Variants in GNB1 observed in about 807,000 individuals in gnomAD.
GNB1 encodes the protein G protein subunit beta 1, also known as guanine nucleotide-binding protein G(I)/G(S)/G(T) subunit beta-1.
A neutral mutation model predicts 42.9 loss-of-function variants in GNB1; 2 were observed. The ratio of observed to expected loss-of-function variants is 0.05; its 90% confidence interval spans 0.02 to 0.15. The LOEUF is 0.15. Ranked by LOEUF, GNB1 falls within the 10% of genes least tolerant of loss-of-function variation. The pLI is 1.00. For missense variants in GNB1, 193 were observed against 462.2 expected, an observed-to-expected ratio of 0.42 and a Z score of 5.34; for synonymous variants, 183 against 174.7, an observed-to-expected ratio of 1.05 and a Z score of -0.38.
chr1:1,876,364 C>A (rs1366451725), intron 1 of GNB1, among the ~76,000 whole-genome samples: 3 of 152,070 alleles, frequency 2.0e-5, no homozygotes, highest in African/African-American at 7.3e-5. Flanking sequence ...CAGGTCACTG[C>A]AGCCTCGAAC....
intron 1 of GNB1, among the ~76,000 whole-genome samples, chr1:1,849,283 T>C (rs1647852211): frequency 6.6e-6 from 1 of 152,238 alleles, no homozygotes; most frequent in African/African-American, 2.4e-5. Flanking sequence ...TTGCCTGGTC[T>C]GATTTATATT....
intron 5 of GNB1, among the ~76,000 whole-genome samples, chr1:1,813,986 T>C (rs1557897310): frequency 6.6e-6 from 1 of 152,212 alleles, no homozygotes; most frequent in Non-Finnish European, 1.5e-5. Flanking sequence ...GAAACACACG[T>C]TATTATGAAC....
intron 3 of GNB1, among the ~76,000 whole-genome samples, chr1:1,822,872 C>T (rs1017371754): frequency 5.3e-5 from 8 of 152,172 alleles, no homozygotes; most frequent in African/African-American, 1.9e-4. Flanking sequence ...CAACTTATAG[C>T]TGTCAGAAAA....
At chr1:1,856,874 G>A (rs1178624598) in intron 1 of GNB1, among the ~76,000 whole-genome samples, 2 of 152,152 alleles carry the variant, frequency 1.3e-5, no homozygotes, top group African/African-American at 4.8e-5. Flanking sequence ...TAATTCAGAA[G>A]GCCCAAGAAA....
intron 1 of GNB1, chr1:1,839,817 GC>G (rs1301913887): frequency 6.6e-6 from 1 of 151,956 alleles, no homozygotes; most frequent in East Asian, 1.9e-4. Flanking sequence ...TCATTCCACT[GC>G]ATTCCAGCCT....
intron 1 of GNB1, among the ~76,000 whole-genome samples, chr1:1,863,268 C>T (rs908227592): frequency 6.6e-6 from 1 of 152,088 alleles, no homozygotes; most frequent in Non-Finnish European, 1.5e-5. Flanking sequence ...GCAGTGAGGG[C>T]CACAGAGAAA....
At chr1:1,796,358 G>A (rs574269466) in intron 7 of GNB1, among the ~76,000 whole-genome samples, 27 of 152,322 alleles carry the variant, frequency 1.8e-4, no homozygotes, top group African/African-American at 5.3e-4. Context: ...AAGAGGCCAC[G>A]AGTGGTGAAG....
intron 1 of GNB1, among the ~76,000 whole-genome samples, chr1:1,885,718 A>T (rs1245385373): frequency 1.3e-5 from 2 of 150,806 alleles, no homozygotes; most frequent in African/African-American, 4.9e-5. Context: ...CACCACACCC[A>T]GCTAATTTTT....
chr1:1,805,469 C>CA (rs1309153954), intron 6 of GNB1, among the ~76,000 whole-genome samples: 3 of 151,926 alleles, frequency 2.0e-5, no homozygotes, highest in Non-Finnish European at 4.4e-5. Context: ...CTCAAAAACA[C>CA]AAAAAAACCC....
At chr1:1,836,361 T>C (rs1488299618) in intron 2 of GNB1, among the ~76,000 whole-genome samples, 3 of 151,700 alleles carry the variant, frequency 2.0e-5, no homozygotes, top group Non-Finnish European at 4.4e-5. Context: ...CTCTTTTTTA[T>C]TGGGTTACCT....
At chr1:1,888,499 C>G (rs1051274553) in intron 1 of GNB1, among the ~76,000 whole-genome samples, 1 of 152,136 alleles carries the variant, frequency 6.6e-6, no homozygotes, top group Non-Finnish European at 1.5e-5. Flanking sequence ...GCCTCTGGAC[C>G]CTGCAGTTGC....
At chr1:1,793,643 T>C (rs1304537090) in intron 7 of GNB1, 1 of 185,364 alleles carries the variant, frequency 5.4e-6, no homozygotes, top group Non-Finnish European at 1.2e-5. Context: ...CCTCGTCTAT[T>C]TACTCATTCA....
At chr1:1,854,931 C>A (rs1648188153) in intron 1 of GNB1, among the ~76,000 whole-genome samples, 1 of 151,984 alleles carries the variant, frequency 6.6e-6, no homozygotes, top group Non-Finnish European at 1.5e-5. Context: ...GAGTCCAAGG[C>A]AGGTGGATCA....
chr1:1,856,460 GCT>G (rs1442153485), intron 1 of GNB1, among the ~76,000 whole-genome samples: 1 of 150,780 alleles, frequency 6.6e-6, no homozygotes, highest in Non-Finnish European at 1.5e-5. Context: ...ACAGAGTCTC[GCT>G]CTGTCGCCAG....
At chr1:1,842,236 C>T (rs571503539) in intron 1 of GNB1, among the ~76,000 whole-genome samples, 2 of 152,320 alleles carry the variant, frequency 1.3e-5, no homozygotes, top group African/African-American at 2.4e-5. Flanking sequence ...TGAGACCATC[C>T]TGGCTAACAC....
intron 1 of GNB1, among the ~76,000 whole-genome samples, chr1:1,875,337 G>A (rs1649484694): frequency 6.6e-6 from 1 of 151,928 alleles, no homozygotes; most frequent in South Asian, 2.1e-4. Context: ...GTCTACAGGT[G>A]CACGCCACCA....
intron 1 of GNB1, among the ~76,000 whole-genome samples, chr1:1,859,269 G>A (rs1309434882): frequency 2.0e-5 from 3 of 152,122 alleles, no homozygotes; most frequent in Non-Finnish European, 2.9e-5. Context: ...TGATCCACCC[G>A]CCTGAGCCTC....
intron 1 of GNB1, among the ~76,000 whole-genome samples, chr1:1,881,844 T>C (rs918670733): frequency 6.6e-6 from 1 of 152,162 alleles, no homozygotes; most frequent in Non-Finnish European, 1.5e-5. Context: ...GCACACAGTA[T>C]TGTGCGGGGT....
intron 1 of GNB1, among the ~76,000 whole-genome samples, chr1:1,841,940 G>T (rs1428964426): frequency 6.6e-6 from 1 of 152,190 alleles, no homozygotes; most frequent in Non-Finnish European, 1.5e-5. Flanking sequence ...GGTGGAGACA[G>T]CCCAAATACC....
Sources: allele counts gnomAD v4.1 joint callset (sites outside exome capture counted in the v4.1 genomes callset), GRCh38; gene constraint gnomAD v4.1.1; transcripts MANE v1.5; gene names NCBI Gene and HGNC (gene_info 2026-07-23, HGNC 2026-07-21).